Variants in COL23A1 observed in about 807,000 individuals in gnomAD.
COL23A1 encodes the protein collagen type XXIII alpha 1 chain.
A neutral mutation model predicts 99.3 loss-of-function variants in COL23A1; 97 were observed. The ratio of observed to expected loss-of-function variants is 0.98; its 90% CI spans 0.83 to 1.16. The LOEUF (loss-of-function observed/expected upper bound fraction) is 1.16. Ranked by LOEUF, COL23A1 falls within the 50% of genes most tolerant of loss-of-function variation. COL23A1 has a pLI of 0.00. For synonymous variants in COL23A1, 320 were observed against 308.2 expected (o/e 1.04, Z -0.40); for missense variants, 762 against 757.4 (o/e 1.01, Z -0.07).
intron 2 of COL23A1, among the ~76,000 whole-genome samples, chr5:178,370,455 TA>T (rs1243789187): frequency 6.7e-5 from 10 of 149,038 alleles, no homozygotes; most frequent in South Asian, 2.1e-4. Context: ...ATGTGGAATC[TA>T]AAAAAAAAAT....
chr5:178,554,339 CA>C (rs1165771145), intron 2 of COL23A1, among the ~76,000 whole-genome samples: 1 of 152,104 alleles, frequency 6.6e-6, no homozygotes, highest in Non-Finnish European at 1.5e-5. Flanking sequence ...CCACTATGCC[CA>C]GCTAATTTTT....
chr5:178,561,240 C>T (rs560393439), intron 1 of COL23A1, among the ~76,000 whole-genome samples: 136 of 152,338 alleles, frequency 8.9e-4, no homozygotes, highest in African/African-American at 3.2e-3. Context: ...CCTGATGGCC[C>T]GGGTTGAATC....
intron 2 of COL23A1, among the ~76,000 whole-genome samples, chr5:178,368,807 C>T (rs1040650341): frequency 5.3e-5 from 8 of 152,248 alleles, no homozygotes; most frequent in African/African-American, 1.9e-4. Context: ...ACACCAACCC[C>T]TTTTTATTGT....
At chr5:178,529,975 A>G (rs182380574) in intron 2 of COL23A1, among the ~76,000 whole-genome samples, 24 of 152,370 alleles carry the variant, frequency 1.6e-4, no homozygotes, top group African/African-American at 5.8e-4. Context: ...ATCCCGCTCT[A>G]GCAGTCAGGC....
intron 2 of COL23A1, among the ~76,000 whole-genome samples, chr5:178,385,325 CAG>C (rs1763614201): frequency 6.6e-6 from 1 of 152,200 alleles, no homozygotes; most frequent in Non-Finnish European, 1.5e-5. Context: ...GGGGAATTCA[CAG>C]AGGGAAACAC....
intron 1 of COL23A1, among the ~76,000 whole-genome samples, chr5:178,570,618 A>T (rs757304157): frequency 4.6e-5 from 7 of 152,166 alleles, no homozygotes; most frequent in Non-Finnish European, 1.0e-4. Context: ...TCAACAACAA[A>T]AGCCACAAAT....
chr5:178,295,041 C>T (rs537380773), intron 3 of COL23A1, among the ~76,000 whole-genome samples: 22 of 152,220 alleles, frequency 1.4e-4, no homozygotes, highest in African/African-American at 4.8e-4. Flanking sequence ...ACCAATTAGC[C>T]GGGTGTGCTG....
chr5:178,441,061 T>C (rs1766839070), intron 2 of COL23A1, among the ~76,000 whole-genome samples: 1 of 152,252 alleles, frequency 6.6e-6, no homozygotes, highest in Middle Eastern at 3.2e-3. Context: ...GGCTGTGCTC[T>C]GTTTCTCTCT....
intron 1 of COL23A1, among the ~76,000 whole-genome samples, chr5:178,576,895 G>A (rs1196217634): frequency 6.6e-6 from 1 of 151,794 alleles, no homozygotes; most frequent in Non-Finnish European, 1.5e-5. Context: ...TTTGGACCAG[G>A]CGAGCAGCGC....
chr5:178,447,065 C>T (rs536020627), intron 2 of COL23A1, among the ~76,000 whole-genome samples: 1 of 152,050 alleles, frequency 6.6e-6, no homozygotes, highest in African/African-American at 2.4e-5. Flanking sequence ...TTTCCAAATG[C>T]AGCTATATTA....
chr5:178,302,414 G>C (rs376287718), intron 3 of COL23A1, among the ~76,000 whole-genome samples: 60 of 76,268 alleles, frequency 7.9e-4, no homozygotes, highest in South Asian at 1.7e-3. Flanking sequence ...CAATCCACCT[G>C]TGTGTGCGCC....
intron 2 of COL23A1, among the ~76,000 whole-genome samples, chr5:178,495,084 G>A (rs139646239): frequency 1.3e-5 from 2 of 152,346 alleles, no homozygotes; most frequent in Non-Finnish European, 2.9e-5. Context: ...GGGCCTGCAG[G>A]TTGAGGTTTG....
At chr5:178,247,021 C>T (rs188459186) in intron 22 of COL23A1, among the ~76,000 whole-genome samples, 2 of 152,168 alleles carry the variant, frequency 1.3e-5, no homozygotes, top group East Asian at 3.9e-4. Context: ...GTGGCCTCCC[C>T]TTCTGTGTCT....
chr5:178,304,183 A>T (rs929922522), intron 3 of COL23A1, among the ~76,000 whole-genome samples: 5 of 151,976 alleles, frequency 3.3e-5, no homozygotes, highest in African/African-American at 1.2e-4. Context: ...TCAGGGAGGA[A>T]TCCCAGCCGG....
intron 2 of COL23A1, among the ~76,000 whole-genome samples, chr5:178,485,355 G>A (rs1757564426): frequency 6.6e-6 from 1 of 151,812 alleles, no homozygotes; most frequent in African/African-American, 2.4e-5. Context: ...TGTGCCTGTA[G>A]TCCCAGCTAC....
chr5:178,545,413 G>A (rs1183926066), intron 2 of COL23A1, among the ~76,000 whole-genome samples: 3 of 152,188 alleles, frequency 2.0e-5, no homozygotes, highest in Admixed American at 6.5e-5. Flanking sequence ...TCACAGGGAA[G>A]GCAGCTCTCC....
chr5:178,412,290 G>GAT (rs1765094820), intron 2 of COL23A1, among the ~76,000 whole-genome samples: 1 of 152,152 alleles, frequency 6.6e-6, no homozygotes, highest in Non-Finnish European at 1.5e-5. Context: ...GTGGAGCATG[G>GAT]ATACATTTTT....
At chr5:178,556,903 A>G in intron 2 of COL23A1, among the ~76,000 whole-genome samples, 1 of 152,124 alleles carries the variant, frequency 6.6e-6, no homozygotes, top group East Asian at 1.9e-4. Flanking sequence ...CAGTGAGCTG[A>G]GATCGCGCCA....
chr5:178,504,366 T>C (rs1758745638), intron 2 of COL23A1, among the ~76,000 whole-genome samples: 1 of 152,080 alleles, frequency 6.6e-6, no homozygotes, highest in African/African-American at 2.4e-5. Context: ...GCTCTGGGAC[T>C]CAGGAGGCCT....
Sources: allele counts gnomAD v4.1 joint callset (sites outside exome capture counted in the v4.1 genomes callset), GRCh38; gene constraint gnomAD v4.1.1; transcripts MANE v1.5; gene names NCBI Gene and HGNC (gene_info 2026-07-23, HGNC 2026-07-21).